The following FBXO32 variants were observed in gnomAD, a reference collection of about 807,000 sequenced individuals.
The protein encoded by FBXO32 is F-box protein 32, also known as F-box only protein 32.
FBXO32 carries 15 observed loss-of-function variants against 48.3 expected under a neutral mutation model. The ratio of observed to expected loss-of-function variants is 0.31; its 90% CI spans 0.21 to 0.48. The LOEUF is 0.48. FBXO32 is among the 20% of genes least tolerant of loss of function. The probability of loss-of-function intolerance (pLI) is 0.99; values close to 1 mark genes in which losing one functional copy is unlikely to be tolerated. For synonymous variants in FBXO32, 154 were observed against 165.9 expected (o/e 0.93, Z 0.55); for missense variants, 309 against 432.7 (o/e 0.71, Z 2.54).
rs143512586 is a variant in FBXO32, at chr8:123,541,144, G to A, written c.-130C>T. On this transcript the variant is annotated 5_prime_UTR_variant, in exon 1 of 9. Transcript: ENST00000517956. ...GGCGGCGGGGCGGCGGGAACGGCGC[G>A]GGGCACCCTGCGGGGTGGCGGGCGC... 18,305 of 455,402 alleles carry A rather than the reference G, an allele frequency of 0.04. 469 individuals carry two copies. The highest frequency in any genetic ancestry group is 0.067 in the South Asian group (1,122 of 16,834). The allele number at this position is 455,402 out of a possible 1,614,324, so 28.2% of individuals were successfully genotyped here. A position where few individuals can be genotyped will look rare whatever the true frequency, so the allele number is the denominator to read the frequency against.
intron 4 of FBXO32, among the ~76,000 whole-genome samples, chr8:123,520,318 G>C (rs563564713): frequency 2.0e-5 from 3 of 152,260 alleles, no homozygotes; most frequent in South Asian, 4.2e-4. Context: ...AGAGAGGCAG[G>C]GGGAGGGAAG....
intron 4 of FBXO32, among the ~76,000 whole-genome samples, chr8:123,515,748 C>T (rs1374664646): frequency 1.3e-5 from 2 of 151,944 alleles, no homozygotes; most frequent in African/African-American, 4.8e-5. Flanking sequence ...AATCCCAGCA[C>T]TTTGGGAGGC....
At position 123,513,388 on chromosome 8, in the gene FBXO32, G is replaced by A. The variant is rs757855713; in HGVS notation, c.467-6C>T. On this transcript the variant is annotated splice_region_variant and splice_polypyrimidine_tract_variant and intron_variant, in intron 5 of 8. Transcript: ENST00000517956. The surrounding 1 kb of genome is among the most constrained non-coding windows in gnomAD (Gnocchi z 4.3). ...GTTTTGCTGGTCTTCAAGGACTTGA[G>A]TAGGGAAGAAAAAAATAATTAAAGT... is the stretch of plus-strand genomic sequence containing the variant. 6.2e-7 allele frequency: 1 copy of A among 1,610,598 alleles called. No homozygotes were observed. Among genetic ancestry groups the A allele is most frequent in the Non-Finnish European group, 8.5e-7 (1 of 1,177,344 alleles).
At chr8:123,518,276 GC>G (rs1456523403) in intron 4 of FBXO32, among the ~76,000 whole-genome samples, 5 of 152,128 alleles carry the variant, frequency 3.3e-5, no homozygotes, top group Non-Finnish European at 7.3e-5. Flanking sequence ...TCATAACTGT[GC>G]CTGCTACAAA....
chr8:123,502,181 T>C lies in FBXO32; in HGVS notation c.*1192A>G, dbSNP rs1023664046. On this transcript the variant is annotated 3_prime_UTR_variant, in exon 9 of 9. Coordinates refer to ENST00000517956, the MANE Select transcript of FBXO32 (RefSeq NM_058229.4). ...AGCTCAGATGGACTCATTTTGATGTTGGACCTAAAGAAAAGAAGCTCCTCA... is the reference window on the plus strand; with the variant it reads ...AGCTCAGATGGACTCATTTTGATGTCGGACCTAAAGAAAAGAAGCTCCTCA... 1.3e-5 allele frequency: 2 copies of C among 152,228 alleles called. No individual in the cohort carries two copies. The highest frequency in any genetic ancestry group is 4.8e-5 in the African/African-American group (2 of 41,456). The allele number at this position is 152,228 out of a possible 1,614,324, so 9.4% of individuals were successfully genotyped here.
intron 4 of FBXO32, among the ~76,000 whole-genome samples, chr8:123,517,260 T>G (rs1386392887): frequency 6.6e-6 from 1 of 152,172 alleles, no homozygotes; most frequent in East Asian, 1.9e-4. Flanking sequence ...CTCATGAGGG[T>G]GTCAGTTTTA....
intron 6 of FBXO32, among the ~76,000 whole-genome samples, chr8:123,509,227 A>T (rs1816689653): frequency 6.6e-6 from 1 of 152,266 alleles, no homozygotes; most frequent in African/African-American, 2.4e-5. Flanking sequence ...GACTGACAGA[A>T]CTTTGGCAAA....
At position 123,540,840 on chromosome 8, in the gene FBXO32, C is replaced by T; in HGVS notation, c.116+59G>A. ...GCCCCTCATTCGCCGTCCCTGCGCC[C>T]CCCAGACCAGCCCGGGTCAGTTTCG... On this transcript the variant is annotated intron_variant, in intron 1 of 8. Transcript: ENST00000517956. This position sits in a 1 kb window ranked among gnomAD's most constrained non-coding sequence, Gnocchi z 6.4. 1.4e-6 allele frequency: 2 copies of T among 1,451,344 alleles called. No individual in the cohort carries two copies. Among genetic ancestry groups the T allele is most frequent in the Non-Finnish European group, 1.9e-6 (2 of 1,047,722 alleles). 89.9% of individuals were successfully genotyped at this position (1,451,344 alleles called of 1,614,324 possible).
intron 4 of FBXO32, among the ~76,000 whole-genome samples, chr8:123,523,599 A>AAAC (rs143361308): frequency 0.069 from 10,124 of 146,574 alleles, 528 homozygotes; most frequent in East Asian, 0.18. Flanking sequence ...AAAACAAAAC[A>AAAC]AACAACAACA....
rs541283336 is a variant in FBXO32, at chr8:123,520,965, A to G, written c.373-6632T>C. On this transcript the variant is annotated intron_variant, in intron 4 of 8. Transcript: ENST00000517956. ...ACCTCTGGGCCTTTGCCTCTGCCAC[A>G]TCTTTACATGCTCGGCTCCATCCCA... Among the ~76,000 whole-genome samples, 224 of 152,260 alleles carry G rather than the reference A, an allele frequency of 1.5e-3. 1 individual carries two copies. The highest frequency in any genetic ancestry group is 5.3e-3 in the African/African-American group (220 of 41,560).
chr8:123,533,752 G>A (rs1373933722), intron 2 of FBXO32, among the ~76,000 whole-genome samples: 1 of 152,180 alleles, frequency 6.6e-6, no homozygotes, highest in African/African-American at 2.4e-5. Context: ...AGGTTGCAGT[G>A]AGCCAAGATT....
At position 123,541,023 on chromosome 8, in the gene FBXO32, G is replaced by C. The variant is rs557560740; in HGVS notation, c.-9C>G. 1 of 1,594,796 alleles carries C rather than the reference G, an allele frequency of 6.3e-7. No individual in the cohort carries two copies. Among genetic ancestry groups the C allele is most frequent in the Admixed American group, 1.7e-5 (1 of 59,468 alleles). The stretch of plus-strand genomic sequence containing the variant: ...TGCCCGAGGAATGGCATGGCACCGC[G>C]AGCGGACTAGACGGATGGGGAGACG... On this transcript the variant is annotated 5_prime_UTR_variant, in exon 1 of 9. Transcript: ENST00000517956.
rs779206994 is a variant in FBXO32 at position 123,540,239 on chromosome 8, T to C, written c.116+660A>G. On this transcript the variant is annotated intron_variant, in intron 1 of 8. Coordinates refer to ENST00000517956, the MANE Select transcript of FBXO32 (RefSeq NM_058229.4). The surrounding 1 kb of genome is among the most constrained non-coding windows in gnomAD (Gnocchi z 6.4). ...CCCTGTCCTCCCAGAAGCAGAGCTCTTGTGGGATTCATCCCCTGCCCCCTT... is the reference window on the plus strand; with the variant it reads ...CCCTGTCCTCCCAGAAGCAGAGCTCCTGTGGGATTCATCCCCTGCCCCCTT... 1.3e-5 allele frequency among the ~76,000 whole-genome samples: 2 copies of C among 152,022 alleles called. No individual in the cohort carries two copies. The highest frequency in any genetic ancestry group is 1.9e-4 in the East Asian group (1 of 5,170).
At chr8:123,518,786 A>C (rs1213024605) in intron 4 of FBXO32, among the ~76,000 whole-genome samples, 1 of 152,196 alleles carries the variant, frequency 6.6e-6, no homozygotes. Context: ...TGCTGGAGCC[A>C]GGACTTGAGC....
intron 4 of FBXO32, among the ~76,000 whole-genome samples, chr8:123,517,145 A>G (rs993113640): frequency 6.6e-6 from 1 of 152,214 alleles, no homozygotes; most frequent in Non-Finnish European, 1.5e-5. Context: ...TCAGCTGTGC[A>G]CTGTGACTCA....
chr8:123,509,889 G>A (rs993353302), intron 6 of FBXO32, among the ~76,000 whole-genome samples: 1 of 152,204 alleles, frequency 6.6e-6, no homozygotes, highest in African/African-American at 2.4e-5. Flanking sequence ...CAGTTCTTGT[G>A]CCACATCCTA....
Position 123,525,904 on chromosome 8 carries a change from T to C in FBXO32, c.372+5994A>G, listed in dbSNP as rs576246873. On this transcript the variant is annotated intron_variant, in intron 4 of 8. Coordinates refer to ENST00000517956, the MANE Select transcript of FBXO32 (RefSeq NM_058229.4). The surrounding 1 kb of genome is among the most constrained non-coding windows in gnomAD (Gnocchi z 4.3). ...TAGAAGTCATGACTTTCTGAAACAC[T>C]GCTTGGCCAAGGTGCTGTTTCTTGT... 2.0e-5 allele frequency among the ~76,000 whole-genome samples: 3 copies of C among 152,252 alleles called. No individual in the cohort carries two copies. In the South Asian group the frequency reaches 6.2e-4, roughly 32 times the overall value.
In FBXO32 at chr8:123,523,163, T is replaced by A. The variant is rs1043897331; in HGVS notation, c.372+8735A>T. Among the ~76,000 whole-genome samples the A allele has an allele frequency of 3.9e-5, 6 of 152,264 alleles. 1 individual carries two copies. In the South Asian group the frequency reaches 1.2e-3, roughly 32 times the overall value. ...GATACTCAGAGCACAGTATAAATAC[T>A]CTTGGGAGCATCCCTCCTTGGATGA... On this transcript the variant is annotated intron_variant, in intron 4 of 8. Transcript: ENST00000517956.
At chr8:123,521,427 G>A (rs1387114191) in intron 4 of FBXO32, among the ~76,000 whole-genome samples, 4 of 152,208 alleles carry the variant, frequency 2.6e-5, no homozygotes, top group African/African-American at 9.7e-5. Context: ...ATATCTATAT[G>A]GAGACTAGTT....
Sources: gnomAD v4.1 joint callset for allele counts (sites outside exome capture counted in the v4.1 genomes callset) on GRCh38, gnomAD v4.1.1 for gene constraint, Gnocchi (gnomAD v3.1) non-coding constraint, MANE v1.5 for transcripts, NCBI Gene and HGNC (gene_info 2026-07-23, HGNC 2026-07-21) for gene names.